The following KAZN variants were observed in gnomAD, a reference collection of about 807,000 sequenced individuals.
The protein encoded by KAZN is kazrin.
In KAZN, 40 loss-of-function variants were observed where a neutral mutation model predicts 87.4. The observed-to-expected ratio is 0.46, with a 90% CI of 0.36 to 0.60. The LOEUF (loss-of-function observed/expected upper bound fraction) is 0.60. KAZN is among the 20% of genes least tolerant of loss of function. The pLI is 0.00. For missense variants in KAZN, 898 were observed against 1,073.9 expected (o/e 0.84, Z 2.29); for synonymous variants, 466 against 458.3 (o/e 1.02, Z -0.22).
At chr1:15,012,857 G>A (rs377419565) in intron 2 of KAZN, among the ~76,000 whole-genome samples, 3 of 152,308 alleles carry the variant, frequency 2.0e-5, no homozygotes, top group Non-Finnish European at 1.5e-5. Context: ...GGGAGGCAGA[G>A]GTTGCAGTGA....
intron 1 of KAZN, among the ~76,000 whole-genome samples, chr1:14,062,088 A>G (rs1474442373): frequency 6.6e-6 from 1 of 152,188 alleles, no homozygotes; most frequent in South Asian, 2.1e-4. Flanking sequence ...TGTGCTATAG[A>G]AAGAGGAAGA....
chr1:13,917,797 C>CAAA (rs35268955), intron 1 of KAZN, among the ~76,000 whole-genome samples: 7,607 of 77,344 alleles, frequency 0.098, 344 homozygotes, highest in African/African-American at 0.12. Context: ...CCTGTGTCAT[C>CAAA]AAAAAAAAAA....
At chr1:14,648,298 T>C (rs1490361685) in intron 1 of KAZN, among the ~76,000 whole-genome samples, 3 of 152,238 alleles carry the variant, frequency 2.0e-5, no homozygotes, top group Non-Finnish European at 4.4e-5. Flanking sequence ...CTTTCTTGTA[T>C]GTTTCATGCT....
At chr1:15,110,034 T>C (rs1641464360) in intron 13 of KAZN, among the ~76,000 whole-genome samples, 1 of 12,602 alleles carries the variant, frequency 7.9e-5, no homozygotes. Flanking sequence ...GGTGTTTGTG[T>C]ATGTGTGTAT....
At chr1:14,163,315 TTTGAC>T (rs988356539) in intron 1 of KAZN, among the ~76,000 whole-genome samples, 57 of 152,286 alleles carry the variant, frequency 3.7e-4, no homozygotes, top group African/African-American at 1.3e-3. Context: ...CCATCTGACC[TTTGAC>T]TTGAGGTTTT....
intron 2 of KAZN, among the ~76,000 whole-genome samples, chr1:14,366,573 CT>C (rs1422497148): frequency 2.0e-5 from 3 of 152,228 alleles, no homozygotes; most frequent in African/African-American, 2.4e-5. Flanking sequence ...CACTTAACCC[CT>C]TGTGGGAGGG....
At position 15,007,056 on chromosome 1, in the gene KAZN, CAA is replaced by C. The variant is rs35245453; in HGVS notation, c.419-27673_419-27672del. Among the ~76,000 whole-genome samples the C allele has an allele frequency of 5.9e-5, 4 of 67,900 alleles. No homozygotes were observed. In the East Asian group the frequency reaches 1.4e-3, roughly 24 times the overall value. 44.5% of individuals were successfully genotyped at this position (67,900 alleles called of 152,430 possible). ...TGGGTGACAGAGCAAGACTCCGTCTCAAAAAAAAAAAAAAAAAAAAAGAAAAA... is the reference window on the plus strand; with the variant it reads ...TGGGTGACAGAGCAAGACTCCGTCTCAAAAAAAAAAAAAAAAAAAGAAAAA... On this transcript the variant is annotated intron_variant, in intron 2 of 14. Coordinates refer to ENST00000376030, the MANE Select transcript of KAZN (RefSeq NM_201628.3).
At chr1:14,124,682 C>T (rs960730476) in intron 1 of KAZN, among the ~76,000 whole-genome samples, 10 of 139,700 alleles carry the variant, frequency 7.2e-5, no homozygotes, top group African/African-American at 3.1e-4. Flanking sequence ...TCCTGAAGTC[C>T]CATCAGTCCC....
At chr1:14,216,940 A>C (rs1646968705) in intron 2 of KAZN, among the ~76,000 whole-genome samples, 1 of 152,188 alleles carries the variant, frequency 6.6e-6, no homozygotes, top group South Asian at 2.1e-4. Flanking sequence ...CAAATTTTAC[A>C]TAGAAATGGG....
chr1:14,263,147 ATG>A (rs1228513258), intron 2 of KAZN, among the ~76,000 whole-genome samples: 1 of 152,178 alleles, frequency 6.6e-6, no homozygotes, highest in African/African-American at 2.4e-5. Context: ...TTTTTTGAAG[ATG>A]CCTAGAGCTC....
At position 15,067,428 on chromosome 1, in the gene KAZN, A is replaced by G. The variant is rs7531373; in HGVS notation, c.1222+1675A>G. The stretch of plus-strand genomic sequence containing the variant: ...AAGGAACTGTGTGTATTTTAATGCC[A>G]GGGGACGGAGGATGTGTGAGCTGTT... On this transcript the variant is annotated intron_variant, in intron 8 of 14. Transcript: ENST00000376030. The G allele has an allele frequency of 0.025, 24,222 of 985,384 alleles. 2,909 individuals carry two copies. In the African/African-American group the frequency reaches 0.31, roughly 13 times the overall value. 61.0% of individuals were successfully genotyped at this position (985,384 alleles called of 1,614,324 possible). A position where few individuals can be genotyped will look rare whatever the true frequency, so the allele number is the denominator to read the frequency against.
intron 1 of KAZN, among the ~76,000 whole-genome samples, chr1:14,938,932 T>C (rs943631583): frequency 2.6e-5 from 4 of 152,184 alleles, no homozygotes. Flanking sequence ...TACAATGGAT[T>C]GCAGATAATG....
chr1:14,952,201 G>A (rs1232601681), intron 1 of KAZN, among the ~76,000 whole-genome samples: 1 of 151,334 alleles, frequency 6.6e-6, no homozygotes, highest in Non-Finnish European at 1.5e-5. Flanking sequence ...GACTGTGGTG[G>A]GTGTGGGACC....
chr1:14,501,752 C>G (rs944988593), intron 2 of KAZN, among the ~76,000 whole-genome samples: 2 of 152,156 alleles, frequency 1.3e-5, no homozygotes, highest in East Asian at 3.8e-4. Flanking sequence ...CAAGCACTAA[C>G]AAAATCCCGG....
chr1:14,860,035 C>A (rs1263629741), intron 1 of KAZN, among the ~76,000 whole-genome samples: 1 of 152,118 alleles, frequency 6.6e-6, no homozygotes, highest in East Asian at 1.9e-4. Context: ...CAGGAAGGAC[C>A]CCTGCTCCCC....
intron 1 of KAZN, among the ~76,000 whole-genome samples, chr1:13,997,873 C>A (rs1272063620): frequency 6.6e-6 from 1 of 152,044 alleles, no homozygotes; most frequent in African/African-American, 2.4e-5. Context: ...CAGAGAACAC[C>A]ACTAAGATAC....
chr1:14,251,643 C>CTTTTGTTTTTTTTTTTTTTTTT (rs1650043583), intron 2 of KAZN, among the ~76,000 whole-genome samples: 1 of 90,370 alleles, frequency 1.1e-5, no homozygotes, highest in African/African-American at 5.9e-5. Context: ...TTCTCCCGGA[C>CTTTTGTTTTTTTTTTTTTTTTT]TTTTTTTTTT....
intron 1 of KAZN, among the ~76,000 whole-genome samples, chr1:13,931,941 G>A (rs534476503): frequency 2.6e-5 from 4 of 151,342 alleles, no homozygotes; most frequent in Non-Finnish European, 4.4e-5. Context: ...TGGTTCAAGC[G>A]ATTCTCCTGC....
intron 1 of KAZN, among the ~76,000 whole-genome samples, chr1:13,908,417 T>C (rs557840235): frequency 6.6e-6 from 1 of 150,956 alleles, no homozygotes; most frequent in African/African-American, 2.5e-5. Flanking sequence ...CTCTTTGGCC[T>C]TGACGGCTCT....
Sources: gnomAD v4.1 joint callset for allele counts (sites outside exome capture counted in the v4.1 genomes callset) on GRCh38, gnomAD v4.1.1 for gene constraint, MANE v1.5 for transcripts, NCBI Gene and HGNC (gene_info 2026-07-23, HGNC 2026-07-21) for gene names.